PBX1: variants seen among roughly 807,000 people sequenced by gnomAD.
PBX1 encodes PBX homeobox 1.
PBX1 carries 6 observed loss-of-function variants against 53.4 expected under a neutral mutation model. The ratio of observed to expected loss-of-function variants is 0.11; its 90% CI spans 0.06 to 0.22. The LOEUF (loss-of-function observed/expected upper bound fraction) is 0.22, where lower values mean the gene tolerates loss of function less well. Ranked by LOEUF, PBX1 falls within the 10% of genes least tolerant of loss-of-function variation. The pLI is 1.00. For synonymous variants in PBX1, 204 were observed against 212.3 expected, an observed-to-expected ratio of 0.96 and a Z score of 0.34; for missense variants, 251 against 551.4, an observed-to-expected ratio of 0.46 and a Z score of 5.46.
At chr1:164,612,528 G>A (rs556637811) in intron 2 of PBX1, among the ~76,000 whole-genome samples, 1 of 152,230 alleles carries the variant, frequency 6.6e-6, no homozygotes, top group South Asian at 2.1e-4. Flanking sequence ...AACTGGCTAT[G>A]GCTTCCTTTT....
At chr1:164,870,263 TTCC>T (rs1672328322) in intron 2 of PBX1, among the ~76,000 whole-genome samples, 1 of 77,030 alleles carries the variant, frequency 1.3e-5, no homozygotes, top group Non-Finnish European at 2.5e-5. Context: ...CCTTCCTTCC[TTCC>T]TTCTTTCTTT....
intron 2 of PBX1, chr1:164,680,846 T>C (rs886529252): frequency 7.2e-5 from 11 of 152,256 alleles, no homozygotes; most frequent in African/African-American, 2.7e-4. Flanking sequence ...TTCCCTAGGC[T>C]GAACGAAACG....
chr1:164,580,520 T>A (rs557002150), intron 2 of PBX1, among the ~76,000 whole-genome samples: 14 of 152,060 alleles, frequency 9.2e-5, no homozygotes, highest in Non-Finnish European at 1.9e-4. Flanking sequence ...CCTCAAGTGA[T>A]CCACCTGCCT....
At chr1:164,866,167 C>A (rs1166705264) in intron 2 of PBX1, among the ~76,000 whole-genome samples, 1 of 152,186 alleles carries the variant, frequency 6.6e-6, no homozygotes, top group Non-Finnish European at 1.5e-5. Flanking sequence ...AAAATATATT[C>A]TTATTCATTA....
At chr1:164,803,161 C>T (rs558813407) in intron 4 of PBX1, among the ~76,000 whole-genome samples, 12 of 152,140 alleles carry the variant, frequency 7.9e-5, no homozygotes, top group African/African-American at 2.9e-4. Flanking sequence ...ACTATCTGCC[C>T]GATGTTATAG....
intron 2 of PBX1, among the ~76,000 whole-genome samples, chr1:164,614,091 TC>T (rs1243927995): frequency 2.0e-5 from 3 of 152,194 alleles, no homozygotes. Flanking sequence ...CAAGCACAGT[TC>T]CTTGCCCAGA....
chr1:164,752,157 A>G (rs1395722073), intron 2 of PBX1, among the ~76,000 whole-genome samples: 1 of 151,434 alleles, frequency 6.6e-6, no homozygotes, highest in African/African-American at 2.4e-5. Context: ...GAAACAAACA[A>G]GCGGAGATGT....
At chr1:164,624,385 G>C (rs1239402935) in intron 2 of PBX1, among the ~76,000 whole-genome samples, 2 of 152,172 alleles carry the variant, frequency 1.3e-5, no homozygotes, top group Non-Finnish European at 2.9e-5. Context: ...ATTGGTAGGA[G>C]TAAAACAAGG....
At chr1:164,704,450 TA>T (rs770132852) in intron 2 of PBX1, among the ~76,000 whole-genome samples, 10 of 152,230 alleles carry the variant, frequency 6.6e-5, no homozygotes, top group Non-Finnish European at 1.5e-4. Context: ...ACTGTAAATT[TA>T]TTAGATTTTT....
At chr1:164,752,206 T>TTCTGTGTGTGTGTG (rs1553240571) in intron 2 of PBX1, among the ~76,000 whole-genome samples, 3 of 143,026 alleles carry the variant, frequency 2.1e-5, no homozygotes, top group African/African-American at 7.8e-5. Context: ...CTTTAAGGTT[T>TTCTGTGTGTGTGTG]TGTGTGTGTG....
chr1:164,649,935 CA>C (rs1197524297), intron 2 of PBX1, among the ~76,000 whole-genome samples: 1 of 147,498 alleles, frequency 6.8e-6, no homozygotes, highest in Non-Finnish European at 1.5e-5. Context: ...AGTCCATGGC[CA>C]AAAAAAAACA....
At chr1:164,650,141 T>C (rs1426861906) in intron 2 of PBX1, among the ~76,000 whole-genome samples, 3 of 151,982 alleles carry the variant, frequency 2.0e-5, no homozygotes, top group Non-Finnish European at 4.4e-5. Flanking sequence ...TGGCCAGCCA[T>C]ATGGAGTCAG....
At chr1:164,686,395 G>T (rs1662096525) in intron 2 of PBX1, among the ~76,000 whole-genome samples, 1 of 151,562 alleles carries the variant, frequency 6.6e-6, no homozygotes, top group Non-Finnish European at 1.5e-5. Flanking sequence ...GGCTTCTTGG[G>T]AAACTTCCAT....
chr1:164,859,760 C>A (rs530315641), intron 2 of PBX1, among the ~76,000 whole-genome samples: 2 of 152,248 alleles, frequency 1.3e-5, no homozygotes, highest in Non-Finnish European at 1.5e-5. Context: ...CTGCTCTGTA[C>A]CCCAGGCGAA....
At chr1:164,742,431 A>G (rs1414344652) in intron 2 of PBX1, among the ~76,000 whole-genome samples, 1 of 152,176 alleles carries the variant, frequency 6.6e-6, no homozygotes, top group Non-Finnish European at 1.5e-5. Flanking sequence ...AATCCCAGCT[A>G]CTTAGGAGGC....
chr1:164,862,371 C>T (rs1027539766), intron 2 of PBX1, among the ~76,000 whole-genome samples: 1 of 152,216 alleles, frequency 6.6e-6, no homozygotes, highest in Non-Finnish European at 1.5e-5. Context: ...GCTTCCACAG[C>T]ACCCTATTTA....
intron 2 of PBX1, among the ~76,000 whole-genome samples, chr1:164,677,250 G>A (rs993887114): frequency 5.9e-5 from 9 of 151,322 alleles, no homozygotes; most frequent in Non-Finnish European, 1.0e-4. Context: ...CCGCCACCGC[G>A]CCCGGCTAAT....
intron 2 of PBX1, among the ~76,000 whole-genome samples, chr1:164,571,918 CTTTT>C (rs536497681): frequency 2.4e-5 from 1 of 42,342 alleles, no homozygotes; most frequent in African/African-American, 8.7e-5. Flanking sequence ...TATATATATG[CTTTT>C]TTTTTTTTTT....
In PBX1 at chr1:164,559,360, A is replaced by C. The variant is rs1473542645; in HGVS notation, c.-463A>C. ...GGGGGGCAGCGGGGGGTGGGGGGGG[A>C]AAGTTTGCATTGCAATCCCCCTGCC... On this transcript the variant is annotated 5_prime_UTR_variant, in exon 1 of 9. Coordinates refer to ENST00000420696, the MANE Select transcript of PBX1 (RefSeq NM_002585.4). 1 of 208,508 alleles carries C rather than the reference A, an allele frequency of 4.8e-6. No individual in the cohort carries two copies. The highest frequency in any genetic ancestry group is 7.2e-5 in the East Asian group (1 of 13,868). The allele number at this position is 208,508 out of a possible 1,614,324, so 12.9% of individuals were successfully genotyped here.
Sources: gnomAD v4.1 joint callset for allele counts (sites outside exome capture counted in the v4.1 genomes callset) on GRCh38, gnomAD v4.1.1 for gene constraint, MANE v1.5 for transcripts, NCBI Gene and HGNC (gene_info 2026-07-23, HGNC 2026-07-21) for gene names.